Variants in PLCB4 observed in about 807,000 individuals in gnomAD.
PLCB4 encodes 1-phosphatidylinositol 4,5-bisphosphate phosphodiesterase beta-4.
PLCB4 carries 77 observed loss-of-function variants against 178.8 expected under a neutral mutation model. The observed-to-expected ratio is 0.43, with a 90% CI of 0.36 to 0.52. PLCB4 has a LOEUF of 0.52. Ranked by LOEUF, PLCB4 falls within the 20% of genes least tolerant of loss-of-function variation. The probability of loss-of-function intolerance (pLI) is 0.00; values close to 1 mark genes in which losing one functional copy is unlikely to be tolerated. For missense variants in PLCB4, 1,024 were observed against 1,453.4 expected (o/e 0.70, Z 4.80); for synonymous variants, 496 against 490.8 (o/e 1.01, Z -0.14).
At chr20:9,385,235 T>G (rs1455539510) in intron 14 of PLCB4, among the ~76,000 whole-genome samples, 1 of 152,156 alleles carries the variant, frequency 6.6e-6, no homozygotes, top group Non-Finnish European at 1.5e-5. Context: ...AACAATCTGA[T>G]CTCTCTTTCT....
chr20:9,438,384 G>T (rs1057423646), intron 30 of PLCB4, among the ~76,000 whole-genome samples: 1 of 148,316 alleles, frequency 6.7e-6, no homozygotes, highest in Non-Finnish European at 1.5e-5. Flanking sequence ...AAAAAAAAAA[G>T]AAAGAAAGAA....
At chr20:9,474,112 T>C (rs1407382075) in intron 38 of PLCB4, among the ~76,000 whole-genome samples, 1 of 151,970 alleles carries the variant, frequency 6.6e-6, no homozygotes, top group East Asian at 1.9e-4. Context: ...AGCTACTCAG[T>C]TGGCTGAAGC....
chr20:9,313,959 C>T (rs2094868146), intron 4 of PLCB4, among the ~76,000 whole-genome samples: 1 of 152,068 alleles, frequency 6.6e-6, no homozygotes, highest in African/African-American at 2.4e-5. Flanking sequence ...GGGGACTGGC[C>T]CCAGAAGCCT....
chr20:9,140,894 A>G (rs1205829913), intron 2 of PLCB4, among the ~76,000 whole-genome samples: 2 of 152,102 alleles, frequency 1.3e-5, no homozygotes, highest in Non-Finnish European at 2.9e-5. Context: ...GTTGCCCTGA[A>G]GAAGAAAGGA....
At chr20:9,433,264 C>T (rs2041551814) in intron 28 of PLCB4, among the ~76,000 whole-genome samples, 1 of 152,152 alleles carries the variant, frequency 6.6e-6, no homozygotes, top group African/African-American at 2.4e-5. Context: ...GTCACAGCAC[C>T]TCCTAGAAGT....
At chr20:9,097,803 T>G (rs1422235213) in intron 2 of PLCB4, among the ~76,000 whole-genome samples, 2 of 152,064 alleles carry the variant, frequency 1.3e-5, no homozygotes, top group East Asian at 1.9e-4. Flanking sequence ...CACCTCTAGA[T>G]AGCAAAAAGT....
At chr20:9,367,804 CAT>C (rs1453937926) in intron 9 of PLCB4, among the ~76,000 whole-genome samples, 1 of 152,192 alleles carries the variant, frequency 6.6e-6, no homozygotes, top group African/African-American at 2.4e-5. Flanking sequence ...TTTTATCTAA[CAT>C]GTTCACATAC....
chr20:9,407,372 C>CTT (rs1193918345), intron 21 of PLCB4, among the ~76,000 whole-genome samples: 2,469 of 141,728 alleles, frequency 0.017, 38 homozygotes, highest in Non-Finnish European at 0.025. Context: ...ATAGTAATTT[C>CTT]TTTTTTTTTT....
intron 19 of PLCB4, among the ~76,000 whole-genome samples, chr20:9,396,637 C>CA (rs1353734672): frequency 6.6e-6 from 1 of 152,170 alleles, no homozygotes; most frequent in Non-Finnish European, 1.5e-5. Flanking sequence ...GTTGGTTATA[C>CA]AATGCCTTGG....
At position 9,294,223 on chromosome 20, in the gene PLCB4, G is replaced by T. The variant is rs1460753363; in HGVS notation, c.-15-13577G>T. Among the ~76,000 whole-genome samples the T allele has an allele frequency of 2.0e-5, 3 of 152,234 alleles. 1 individual carries two copies. Among genetic ancestry groups the T allele is most frequent in the Middle Eastern group, 6.8e-3 (2 of 294 alleles). ...AGCATAAAGGTTTGGGCCAAAAGAG[G>T]TAACTGCTTGAAGTTATTTAAGTGA... On this transcript the variant is annotated intron_variant, in intron 3 of 39. Transcript: ENST00000378473.
In PLCB4 at chr20:9,233,206, GATA is replaced by G. The variant is rs576639600; in HGVS notation, c.-16+15757_-16+15759del. ...TCTTCTAAATGTTTTAATGTTAAAT[GATA>G]ATGATAATGACCTAAAAAAATTTTA... On this transcript the variant is annotated intron_variant, in intron 3 of 39. Coordinates refer to ENST00000378473, the MANE Select transcript of PLCB4 (RefSeq NM_001377142.1). 1.7e-4 allele frequency among the ~76,000 whole-genome samples: 26 copies of G among 152,156 alleles called. 2 individuals are homozygous for G. In the South Asian group the frequency reaches 5.0e-3, roughly 29 times the overall value.
At chr20:9,467,248 G>T (rs6086891) in intron 35 of PLCB4, among the ~76,000 whole-genome samples, 42,425 of 151,936 alleles carry the variant, frequency 0.28, 6,091 homozygotes, top group Middle Eastern at 0.37. Context: ...TTGGACACAG[G>T]GTAGGGAACG....
chr20:9,218,428 G>C (rs1160061133), intron 3 of PLCB4, among the ~76,000 whole-genome samples: 1 of 152,136 alleles, frequency 6.6e-6, no homozygotes, highest in Non-Finnish European at 1.5e-5. Context: ...TTAAATTGCT[G>C]TTACAAGTAA....
intron 13 of PLCB4, 98 bp from the exon 14 acceptor site, chr20:9,384,103 T>C: frequency 1.1e-6 from 1 of 887,900 alleles, no homozygotes; most frequent in Non-Finnish European, 1.9e-6. Flanking sequence ...AAGACGTTTT[T>C]ACTCTTATAA....
intron 12 of PLCB4, among the ~76,000 whole-genome samples, chr20:9,378,490 C>G (rs2036864831): frequency 6.6e-6 from 1 of 152,038 alleles, no homozygotes; most frequent in African/African-American, 2.4e-5. Flanking sequence ...TCCTTGTTTC[C>G]TTGAGTAGTG....
chr20:9,131,005 T>G (rs1227610178), intron 2 of PLCB4, among the ~76,000 whole-genome samples: 1 of 152,196 alleles, frequency 6.6e-6, no homozygotes, highest in Non-Finnish European at 1.5e-5. Flanking sequence ...ATGGCCAGCA[T>G]GTAACAGCAT....
chr20:9,353,903 C>A (rs1325278798), intron 7 of PLCB4, among the ~76,000 whole-genome samples: 1 of 152,172 alleles, frequency 6.6e-6, no homozygotes, highest in Admixed American at 6.5e-5. Flanking sequence ...GATCATGTAC[C>A]CCAATTCTAA....
At chr20:9,350,902 T>C (rs1282722881) in intron 7 of PLCB4, among the ~76,000 whole-genome samples, 1 of 151,820 alleles carries the variant, frequency 6.6e-6, no homozygotes, top group Non-Finnish European at 1.5e-5. Flanking sequence ...GGGCAGGGAG[T>C]GGGGGGAACA....
chr20:9,195,867 G>A (rs1013777805), intron 2 of PLCB4, among the ~76,000 whole-genome samples: 2 of 152,082 alleles, frequency 1.3e-5, no homozygotes, highest in Admixed American at 6.5e-5. Flanking sequence ...CAGACAACTG[G>A]CTTCAGGATT....
Sources: allele counts gnomAD v4.1 joint callset (sites outside exome capture counted in the v4.1 genomes callset), GRCh38; gene constraint gnomAD v4.1.1; transcripts MANE v1.5; gene names NCBI Gene and HGNC (gene_info 2026-07-23, HGNC 2026-07-21).